Variants in INHBC observed in about 807,000 individuals in gnomAD.
INHBC encodes inhibin beta C chain.
In INHBC, 10 loss-of-function variants were observed where a neutral mutation model predicts 12.4. That is an observed-to-expected ratio of 0.81 (90% CI 0.50 to 1.37). The LOEUF (loss-of-function observed/expected upper bound fraction) is 1.37, where lower values mean the gene tolerates loss of function less well. INHBC is among the 40% of genes most tolerant of loss of function. The pLI is 0.00. For synonymous variants in INHBC, 147 were observed against 171.6 expected (o/e 0.86, Z 1.12); for missense variants, 382 against 439.4 (o/e 0.87, Z 1.17).
At chr12:57,439,777 A>G (rs988549863) in intron 1 of INHBC, among the ~76,000 whole-genome samples, 2 of 152,222 alleles carry the variant, frequency 1.3e-5, no homozygotes, top group African/African-American at 2.4e-5. Context: ...GGGTTGACAG[A>G]ACATCGTCTT....
intron 1 of INHBC, among the ~76,000 whole-genome samples, chr12:57,439,900 T>G (rs1179435095): frequency 6.6e-6 from 1 of 152,232 alleles, no homozygotes; most frequent in Non-Finnish European, 1.5e-5. Flanking sequence ...AGTGGCTATT[T>G]GCAGCCTCAA....
intron 1 of INHBC, among the ~76,000 whole-genome samples, chr12:57,440,086 G>A (rs1017707948): frequency 1.3e-5 from 2 of 152,042 alleles, no homozygotes; most frequent in Non-Finnish European, 2.9e-5. Flanking sequence ...GAAATGCCCT[G>A]GATTTGATTT....
intron 1 of INHBC, among the ~76,000 whole-genome samples, chr12:57,440,111 T>C (rs1321768754): frequency 6.6e-6 from 1 of 152,200 alleles, no homozygotes; most frequent in Non-Finnish European, 1.5e-5. Flanking sequence ...CCTGAGGTAA[T>C]TTCTTACTTT....
chr12:57,435,847 CT>C (rs553110736), intron 1 of INHBC, among the ~76,000 whole-genome samples: 1,741 of 143,740 alleles, frequency 0.012, 26 homozygotes, highest in African/African-American at 0.035. Flanking sequence ...TAGCAAGACC[CT>C]TTTTTTTTTT....
In INHBC at chr12:57,449,354, C is replaced by G; in HGVS notation, c.391C>G (p.Gln131Glu). 1 of 1,614,216 alleles carries G rather than the reference C, an allele frequency of 6.2e-7. No individual in the cohort carries two copies. ...AACTGCTGGTGACAGGGAGGTCCAG[C>G]AGGCCAGTCTCATGTTCTTTGTGCA... Reference protein sequence around the residue: ...DRTAGDREVQQASLMFFVQLP... With the variant: ...DRTAGDREVQEASLMFFVQLP... The change falls in exon 2 of 2, where the codon CAG becomes GAG. Residue 131 changes from glutamine (Q) to glutamate (E), a missense_variant. Transcript: ENST00000309668.
chr12:57,441,246 C>T (rs1425417948), intron 1 of INHBC, among the ~76,000 whole-genome samples: 2 of 149,548 alleles, frequency 1.3e-5, no homozygotes, highest in Non-Finnish European at 1.5e-5. Context: ...CCCAGCTACC[C>T]GGGAGGCTGA....
chr12:57,446,328 G>A (rs1310970199), intron 1 of INHBC, among the ~76,000 whole-genome samples: 2 of 152,030 alleles, frequency 1.3e-5, no homozygotes, highest in Non-Finnish European at 2.9e-5. Flanking sequence ...CAAGGCTGGG[G>A]CTCAGGGAGA....
Position 57,434,819 on chromosome 12 carries a change from G to A in INHBC, c.-68G>A, listed in dbSNP as rs116907217. On this transcript the variant is annotated 5_prime_UTR_variant, in exon 1 of 2. Transcript: ENST00000309668. ...CAGGGCCTCTGGCAGCCAGGACAGAGTTGAGACCACAGCTGTTGAGACCCT... is the reference window on the plus strand; with the variant it reads ...CAGGGCCTCTGGCAGCCAGGACAGAATTGAGACCACAGCTGTTGAGACCCT... 7.5e-4 allele frequency: 1,095 copies of A among 1,461,106 alleles called. 1 individual carries two copies. Among genetic ancestry groups the A allele is most frequent in the Non-Finnish European group, 9.5e-4 (1,017 of 1,072,210 alleles). 90.5% of individuals were successfully genotyped at this position (1,461,106 alleles called of 1,614,324 possible).
Position 57,435,166 on chromosome 12 carries a change from C to G in INHBC, c.280C>G (p.Gln94Glu). ...GGCACTTCTAGAGGACAACAGGGAACAGGAATGTGAAATCATCAGCTTTGC... is the reference window on the plus strand; with the variant it reads ...GGCACTTCTAGAGGACAACAGGGAAGAGGAATGTGAAATCATCAGCTTTGC... ...QGALLEDNRE[Q>E]ECEIISFAET... The change falls in exon 1 of 2, where the codon CAG becomes GAG. Residue 94 changes from glutamine to glutamate, a missense_variant. Coordinates refer to ENST00000309668, the MANE Select transcript of INHBC (RefSeq NM_005538.4). The G allele has an allele frequency of 6.2e-7, 1 of 1,613,452 alleles. No individual in the cohort carries two copies. Among genetic ancestry groups the G allele is most frequent in the Non-Finnish European group, 8.5e-7 (1 of 1,179,472 alleles).
intron 1 of INHBC, among the ~76,000 whole-genome samples, chr12:57,444,500 C>T (rs1870534633): frequency 6.7e-6 from 1 of 149,000 alleles, no homozygotes; most frequent in Admixed American, 6.7e-5. Flanking sequence ...AAGATCGTAC[C>T]ACTGCAATCT....
intron 1 of INHBC, among the ~76,000 whole-genome samples, chr12:57,436,649 T>G (rs867849252): frequency 1.3e-5 from 2 of 151,328 alleles, no homozygotes; most frequent in African/African-American, 2.4e-5. Flanking sequence ...CCTGGCTAAT[T>G]TTTTTTATTT....
chr12:57,448,576 A>G (rs956915781), intron 1 of INHBC, among the ~76,000 whole-genome samples: 3 of 151,834 alleles, frequency 2.0e-5, no homozygotes, highest in African/African-American at 4.8e-5. Flanking sequence ...CTAAAAAAAA[A>G]AAAAAAAAAA....
rs1210228015 is a variant in INHBC at position 57,434,939 on chromosome 12, C to G, written c.53C>G (p.Ala18Gly). The G allele has an allele frequency of 6.2e-7, 1 of 1,614,040 alleles. No homozygotes were observed. The highest frequency in any genetic ancestry group is 1.3e-5 in the African/African-American group (1 of 74,944). The stretch of plus-strand genomic sequence containing the variant: ...CTCCTCCTGGCTCCAACCACAGTGG[C>G]CACTCCCAGAGCTGGCGGTCAGTGT... Reference protein sequence around the residue: ...AFLLLAPTTVATPRAGGQCPA... With the variant: ...AFLLLAPTTVGTPRAGGQCPA... The change falls in exon 1 of 2, where the codon GCC (alanine) becomes GGC (glycine). Residue 18 changes from alanine (A) to glycine (G), a missense_variant. By Grantham distance (60) the Ala-to-Gly change is moderately conservative. Transcript: ENST00000309668.
intron 1 of INHBC, among the ~76,000 whole-genome samples, chr12:57,436,561 A>G (rs537518359): frequency 9.7e-5 from 14 of 143,608 alleles, no homozygotes; most frequent in Non-Finnish European, 1.8e-4. Context: ...TGCAGCCTCA[A>G]CCTCCCAGGC....
intron 1 of INHBC, among the ~76,000 whole-genome samples, chr12:57,447,892 A>AAAAATAT (rs1555325179): frequency 7.6e-4 from 15 of 19,860 alleles, no homozygotes; most frequent in Admixed American, 1.6e-3. Context: ...AAAAAAAAAA[A>AAAAATAT]ATATATATAT....
rs1870682525 is a variant in INHBC, at chr12:57,450,167, C to G, written c.*145C>G. The G allele has an allele frequency of 1.9e-5, 17 of 873,558 alleles. No individual in the cohort carries two copies. The highest frequency in any genetic ancestry group is 2.9e-5 in the East Asian group (1 of 35,016). 54.1% of individuals were successfully genotyped at this position (873,558 alleles called of 1,614,324 possible). ...GAGCATCTTATGGAAATTACCCCACCTTTGACTTGAAGAAACCTTCATCTA... is the reference window on the plus strand; with the variant it reads ...GAGCATCTTATGGAAATTACCCCACGTTTGACTTGAAGAAACCTTCATCTA... On this transcript the variant is annotated 3_prime_UTR_variant, in exon 2 of 2. Transcript: ENST00000309668.
At position 57,449,712 on chromosome 12, in the gene INHBC, AAG is replaced by A. The variant is rs1870667495; in HGVS notation, c.752_753del (p.Glu251ValfsTer7). 4 of 1,614,098 alleles carry A rather than the reference AAG, an allele frequency of 2.5e-6. No individual in the cohort carries two copies. The highest frequency in any genetic ancestry group is 1.3e-5 in the African/African-American group (1 of 74,936). ...GGAGGGTCCAGGATGTGCTGTCGAC[AAG>A]AGTTTTTTGTGGACTTCCGTGAGAT... On this transcript the variant is annotated frameshift_variant, in exon 2 of 2. Coordinates refer to ENST00000309668, the MANE Select transcript of INHBC (RefSeq NM_005538.4). LOFTEE classifies it high-confidence loss of function.
At chr12:57,442,969 C>T (rs1281847643) in intron 1 of INHBC, among the ~76,000 whole-genome samples, 1 of 144,172 alleles carries the variant, frequency 6.9e-6, no homozygotes, top group African/African-American at 2.6e-5. Context: ...CCAGCCCAGG[C>T]GACAAGAGTG....
intron 1 of INHBC, among the ~76,000 whole-genome samples, chr12:57,444,354 A>G (rs1457193692): frequency 2.0e-5 from 3 of 152,070 alleles, no homozygotes; most frequent in African/African-American, 7.2e-5. Context: ...CGGCCTGGCC[A>G]ACATGGCAAA....
Sources: allele counts gnomAD v4.1 joint callset (sites outside exome capture counted in the v4.1 genomes callset), GRCh38; gene constraint gnomAD v4.1.1; transcripts MANE v1.5; gene names NCBI Gene and HGNC (gene_info 2026-07-23, HGNC 2026-07-21).